CSNK2A1: variants seen among roughly 807,000 people sequenced by gnomAD.
CSNK2A1 encodes the protein casein kinase 2 alpha 1.
A neutral mutation model predicts 62.9 loss-of-function variants in CSNK2A1; 10 were observed. That is an observed-to-expected ratio of 0.16 (90% CI 0.10 to 0.27). The LOEUF (loss-of-function observed/expected upper bound fraction) is 0.27, where lower values mean the gene tolerates loss of function less well. Ranked by LOEUF, CSNK2A1 falls within the 10% of genes least tolerant of loss-of-function variation. CSNK2A1 has a pLI of 1.00. For synonymous variants in CSNK2A1, 124 were observed against 167.8 expected, an observed-to-expected ratio of 0.74 and a Z score of 2.02; for missense variants, 160 against 492.0, an observed-to-expected ratio of 0.33 and a Z score of 6.38.
intron 11 of CSNK2A1, 63 bp from the exon 12 acceptor site, chr20:487,638 T>C: frequency 6.2e-7 from 1 of 1,607,822 alleles, no homozygotes; most frequent in African/African-American, 1.3e-5. Flanking sequence ...AACATTTCAT[T>C]CCTACATTTT....
rs937191973 is a variant in CSNK2A1 at position 504,977 on chromosome 20, A to G, written c.213+141T>C. ...CTGTCAAATAAGCAGAACTTGTTCT[A>G]TTGAGTTCATAGGATACAATAAAAT... is the stretch of plus-strand genomic sequence containing the variant. On this transcript the variant is annotated intron_variant, in intron 4 of 13. Coordinates refer to ENST00000217244, the MANE Select transcript of CSNK2A1 (RefSeq NM_177559.3). 2.5e-5 allele frequency: 17 copies of G among 680,604 alleles called. No individual in the cohort carries two copies. The African/African-American group carries it at 2.6e-4, about 10-fold the overall frequency. The allele number at this position is 680,604 out of a possible 1,614,324, so 42.2% of individuals were successfully genotyped here. A position where few individuals can be genotyped will look rare whatever the true frequency, so the allele number is the denominator to read the frequency against.
chr20:500,621 G>A (rs186539802), intron 4 of CSNK2A1: 2 of 150,992 alleles, frequency 1.3e-5, no homozygotes, highest in African/African-American at 4.9e-5. Flanking sequence ...TGTCTAGCCT[G>A]ATCACCAATG....
chr20:523,892 TCAGAA>T (rs1327529078), intron 2 of CSNK2A1, among the ~76,000 whole-genome samples: 1 of 135,266 alleles, frequency 7.4e-6, no homozygotes, highest in African/African-American at 2.9e-5. Flanking sequence ...CTGTAGTAAC[TCAGAA>T]CAGAACAGTG....
At position 477,828 on chromosome 20, in the gene CSNK2A1, C is replaced by T. The variant is rs2017878314; in HGVS notation, c.*6133G>A. Reference sequence around the variant, plus strand: ...CCAACATGGAGAAACCCCGTCTCTACTAAAAATACAAAATTAGCTGGGCGT... The same window carrying T: ...CCAACATGGAGAAACCCCGTCTCTATTAAAAATACAAAATTAGCTGGGCGT... On this transcript the variant is annotated 3_prime_UTR_variant, in exon 14 of 14. Coordinates refer to ENST00000217244, the MANE Select transcript of CSNK2A1 (RefSeq NM_177559.3). The T allele has an allele frequency of 6.6e-6, 1 of 152,092 alleles. No individual in the cohort carries two copies. Among genetic ancestry groups the T allele is most frequent in the Non-Finnish European group, 1.5e-5 (1 of 68,044 alleles). 9.4% of individuals were successfully genotyped at this position (152,092 alleles called of 1,614,324 possible). A position where few individuals can be genotyped will look rare whatever the true frequency, so the allele number is the denominator to read the frequency against.
intron 2 of CSNK2A1, among the ~76,000 whole-genome samples, chr20:523,440 T>C (rs1048928610): frequency 6.6e-6 from 1 of 152,146 alleles, no homozygotes. Context: ...CTATAGTCTA[T>C]CCATAAATGG....
intron 7 of CSNK2A1, among the ~76,000 whole-genome samples, chr20:496,901 A>T (rs753220751): frequency 1.1e-4 from 16 of 152,190 alleles, no homozygotes; most frequent in Non-Finnish European, 2.4e-4. Flanking sequence ...GAACTGAGTT[A>T]AAGTTTACTG....
chr20:526,353 G>A (rs1201358901), intron 2 of CSNK2A1, among the ~76,000 whole-genome samples: 1 of 151,996 alleles, frequency 6.6e-6, no homozygotes, highest in Non-Finnish European at 1.5e-5. Flanking sequence ...GCTCATGACT[G>A]TAATCCCAAT....
intron 13 of CSNK2A1, among the ~76,000 whole-genome samples, chr20:485,677 A>G (rs140591204): frequency 1.3e-5 from 2 of 152,336 alleles, no homozygotes; most frequent in African/African-American, 2.4e-5. Flanking sequence ...TTGGATATAC[A>G]TTACTCTGTA....
intron 1 of CSNK2A1, 147 bp downstream of exon 1, chr20:543,525 G>C (rs552119897): frequency 6.1e-5 from 24 of 394,306 alleles, no homozygotes; most frequent in Non-Finnish European, 9.4e-5. Context: ...CAGGGGCCTC[G>C]CTTGGTTTAT....
At chr20:496,042 T>C in intron 7 of CSNK2A1, 1 of 452,426 alleles carries the variant, frequency 2.2e-6, no homozygotes, top group South Asian at 2.6e-5. Context: ...TTTTCTGTCC[T>C]AAAAGACCCA....
intron 2 of CSNK2A1, chr20:510,300 C>T (rs766151141): frequency 2.6e-5 from 4 of 152,124 alleles, no homozygotes; most frequent in South Asian, 2.1e-4. Context: ...CTCAGCCTCC[C>T]GAGTAGCTGG....
At chr20:495,340 A>G (rs1007014864) in intron 8 of CSNK2A1, 1 of 194,586 alleles carries the variant, frequency 5.1e-6, no homozygotes, top group Non-Finnish European at 1.1e-5. Context: ...AACTGTGCAC[A>G]TTTAATTCTC....
chr20:495,992 G>A (rs2018339748), intron 7 of CSNK2A1, 190 bp from the exon 8 acceptor site: 6 of 538,628 alleles, frequency 1.1e-5, no homozygotes, highest in East Asian at 9.1e-5. Context: ...TCAGCTCTCT[G>A]AGCTTAGAGA....
chr20:524,874 G>A (rs570912098), intron 2 of CSNK2A1, among the ~76,000 whole-genome samples: 3 of 152,022 alleles, frequency 2.0e-5, no homozygotes, highest in Non-Finnish European at 4.4e-5. Flanking sequence ...CCTGCACTTT[G>A]GGAGACTGAA....
intron 2 of CSNK2A1, among the ~76,000 whole-genome samples, chr20:514,946 A>G (rs2018797958): frequency 6.6e-6 from 1 of 152,206 alleles, no homozygotes; most frequent in African/African-American, 2.4e-5. Context: ...AGGCCTTAGG[A>G]ATATAAGTGA....
At chr20:508,705 G>A in intron 2 of CSNK2A1, 45 bp from the exon 3 acceptor site, 1 of 633,806 alleles carries the variant, frequency 1.6e-6, no homozygotes, top group East Asian at 2.9e-5. Flanking sequence ...ATTTACAGAA[G>A]GTATATGGGA....
chr20:490,335 CTTTTT>C (rs907727482), intron 9 of CSNK2A1, among the ~76,000 whole-genome samples: 1 of 84,804 alleles, frequency 1.2e-5, no homozygotes, highest in Non-Finnish European at 2.1e-5. Context: ...CTAGTTTTTT[CTTTTT>C]TTTTTTTTTT....
rs943457556 is a variant in CSNK2A1, at chr20:482,635, G to A, written c.*1326C>T. Reference sequence around the variant, plus strand: ...ACGGTACAGGGCTGCAGGCCCCTCAGATGTGAACATGAGACACCCACCCAG... The same window carrying A: ...ACGGTACAGGGCTGCAGGCCCCTCAAATGTGAACATGAGACACCCACCCAG... On this transcript the variant is annotated 3_prime_UTR_variant, in exon 14 of 14. Transcript: ENST00000217244. 1.4e-4 allele frequency: 21 copies of A among 152,598 alleles called. No homozygotes were observed. The highest frequency in any genetic ancestry group is 2.9e-5 in the Non-Finnish European group (2 of 68,068). The allele number at this position is 152,598 out of a possible 1,614,324, so 9.5% of individuals were successfully genotyped here.
Position 499,249 on chromosome 20 carries a change from T to C in CSNK2A1, c.366+6A>G. On this transcript the variant is annotated splice_donor_region_variant and intron_variant, in intron 6 of 13. Transcript: ENST00000217244. This position sits in a 1 kb window ranked among gnomAD's most constrained non-coding sequence, Gnocchi z 4.2. ...CTAGCCCGAAACAGTTGGTTATATA[T>C]TATACCTTGAAGTCTGTGTTGTTTA... 6.2e-7 allele frequency: 1 copy of C among 1,603,586 alleles called. No individual in the cohort carries two copies.
Sources: gnomAD v4.1 joint callset for allele counts (sites outside exome capture counted in the v4.1 genomes callset) on GRCh38, gnomAD v4.1.1 for gene constraint, Gnocchi (gnomAD v3.1) non-coding constraint, MANE v1.5 for transcripts, NCBI Gene and HGNC (gene_info 2026-07-23, HGNC 2026-07-21) for gene names.